Variants in PCDHA10 observed in about 807,000 individuals in gnomAD.
PCDHA10 encodes the protein protocadherin alpha-10.
Under a neutral mutation model 61.2 loss-of-function variants are expected in PCDHA10, and 45 were observed. The ratio of observed to expected loss-of-function variants is 0.74; its 90% confidence interval spans 0.58 to 0.94. PCDHA10 has a LOEUF of 0.94. PCDHA10 is among the 40% of genes least tolerant of loss of function. The probability of loss-of-function intolerance (pLI) is 0.00; values close to 1 mark genes in which losing one functional copy is unlikely to be tolerated. For missense variants in PCDHA10, 1,278 were observed against 1,236.2 expected (o/e 1.03, Z -0.51); for synonymous variants, 602 against 548.8 (o/e 1.10, Z -1.35).
chr5:140,883,068 C>T lies in PCDHA10; in HGVS notation c.2388+24632C>T, dbSNP rs782726947. The stretch of plus-strand genomic sequence containing the variant: ...ACATTAGTGATCAAGCTAAATGCCA[C>T]AGATCCTGATGATGGTACAAATGGA... On this transcript the variant is annotated intron_variant, in intron 1 of 3. Coordinates refer to ENST00000307360, the MANE Select transcript of PCDHA10 (RefSeq NM_018901.4). The T allele has an allele frequency of 1.4e-5, 23 of 1,614,130 alleles. No homozygotes were observed. The highest frequency in any genetic ancestry group is 1.9e-5 in the Non-Finnish European group (23 of 1,180,028).
intron 3 of PCDHA10, among the ~76,000 whole-genome samples, chr5:140,987,224 A>C (rs28567024): frequency 6.6e-6 from 1 of 151,930 alleles, no homozygotes; most frequent in South Asian, 2.1e-4. Context: ...AAAAAAAAAA[A>C]AAATAATAAA....
chr5:140,860,055 A>C (rs1466399941), intron 1 of PCDHA10: 6 of 151,228 alleles, frequency 4.0e-5, no homozygotes, highest in Admixed American at 3.3e-4. Flanking sequence ...TTGAGAGGCC[A>C]AGGTGGGAGG....
At chr5:140,937,500 C>T (rs2091549219) in intron 1 of PCDHA10, among the ~76,000 whole-genome samples, 1 of 152,024 alleles carries the variant, frequency 6.6e-6, no homozygotes, top group Admixed American at 6.6e-5. Context: ...ACCCGTAATC[C>T]CAGCTACTCA....
intron 3 of PCDHA10, among the ~76,000 whole-genome samples, chr5:140,991,572 G>A (rs782016422): frequency 1.3e-4 from 20 of 152,144 alleles, no homozygotes; most frequent in Non-Finnish European, 2.9e-4. Flanking sequence ...TCCAATAACA[G>A]GCTCCTTATT....
chr5:140,858,539 T>A (rs62384480), intron 1 of PCDHA10, 103 bp downstream of exon 1: 78,694 of 1,399,008 alleles, frequency 0.056, 7,001 homozygotes, highest in Non-Finnish European at 0.065. Context: ...TTTGTCTACA[T>A]TCCATTTATG....
In PCDHA10 at chr5:140,882,301, G is replaced by A. The variant is rs145574763; in HGVS notation, c.2388+23865G>A. 188 of 1,613,800 alleles carry A rather than the reference G, an allele frequency of 1.2e-4. No homozygotes were observed. In the African/African-American group the frequency reaches 2.1e-3, roughly 18 times the overall value. Reference sequence around the variant, plus strand: ...CTTCCTGGCAAGGAGGCCCAAGACCGCGGCAACTACTGCTCTGGCTTCTGA... The same window carrying A: ...CTTCCTGGCAAGGAGGCCCAAGACCACGGCAACTACTGCTCTGGCTTCTGA... On this transcript the variant is annotated intron_variant, in intron 1 of 3. Coordinates refer to ENST00000307360, the MANE Select transcript of PCDHA10 (RefSeq NM_018901.4).
chr5:140,910,175 T>C (rs1296033470), intron 1 of PCDHA10, among the ~76,000 whole-genome samples: 1 of 152,240 alleles, frequency 6.6e-6, no homozygotes. Flanking sequence ...CCTCTGTTTT[T>C]ATAATTCAAA....
intron 1 of PCDHA10, chr5:140,927,725 C>T (rs782731204): frequency 1.2e-6 from 2 of 1,614,202 alleles, no homozygotes; most frequent in South Asian, 2.2e-5. Flanking sequence ...AGCACGCAAG[C>T]AGAGCTGCGA....
intron 1 of PCDHA10, chr5:140,926,972 C>G (rs782504064): frequency 1.3e-5 from 21 of 1,609,464 alleles, no homozygotes; most frequent in Non-Finnish European, 1.7e-5. Context: ...TACTCAGTGC[C>G]GGAGGAGACG....
Position 140,857,863 on chromosome 5 carries a change from G to A in PCDHA10, c.1815G>A (p.Trp605Ter). Residue 605 changes from tryptophan (W) to a stop codon, truncating the protein, a stop_gained, in exon 1 of 4, where the codon TGG (tryptophan) becomes TGA (stop). Transcript: ENST00000307360. LOFTEE classifies it high-confidence loss of function. ...ACGCTGACTCTGGATACAACGCGTG[G>A]CTGTCGTATGAATTGCAGTCGGCGG... ...AVDADSGYNA[W>*]LSYELQSAAV... 1.3e-6 allele frequency: 2 copies of A among 1,597,840 alleles called. No homozygotes were observed. Among genetic ancestry groups the A allele is most frequent in the Non-Finnish European group, 8.6e-7 (1 of 1,167,550 alleles).
intron 3 of PCDHA10, among the ~76,000 whole-genome samples, chr5:141,007,519 T>A (rs1554261363): frequency 6.6e-6 from 1 of 151,934 alleles, no homozygotes; most frequent in African/African-American, 2.4e-5. Context: ...AGTGAGCTGA[T>A]ATCTCGCCAC....
chr5:140,871,658 C>A, intron 1 of PCDHA10: 1 of 1,224,214 alleles, frequency 8.2e-7, no homozygotes, highest in Non-Finnish European at 1.1e-6. Flanking sequence ...TGATACACAT[C>A]TTCAGTCTTT....
At chr5:140,924,223 T>A (rs2081726593) in intron 1 of PCDHA10, among the ~76,000 whole-genome samples, 1 of 152,230 alleles carries the variant, frequency 6.6e-6, no homozygotes, top group South Asian at 2.1e-4. Context: ...ATAAGTTCAA[T>A]TTTTATGGGC....
rs2045092638 is a variant in PCDHA10, at chr5:140,858,000, A to G, written c.1952A>G (p.Lys651Arg). ...SPRQRLLVLV[K>R]DHGEPSLTAT... The stretch of plus-strand genomic sequence containing the variant: ...CGCCAGCGCCTACTGGTGCTGGTGA[A>G]GGACCATGGCGAGCCGTCGCTGACG... The change falls in exon 1 of 4, where the codon AAG (lysine) becomes AGG (arginine). Residue 651 changes from lysine (K) to arginine (R), a missense_variant. By Grantham distance (26) the Lys-to-Arg change is conservative. Coordinates refer to ENST00000307360, the MANE Select transcript of PCDHA10 (RefSeq NM_018901.4). 1.0e-5 allele frequency: 16 copies of G among 1,596,802 alleles called. 2 individuals carry two copies. Among genetic ancestry groups the G allele is most frequent in the Non-Finnish European group, 1.4e-5 (16 of 1,167,152 alleles).
intron 1 of PCDHA10, chr5:140,875,985 G>A (rs1351463699): frequency 4.3e-6 from 7 of 1,613,830 alleles, no homozygotes; most frequent in South Asian, 1.1e-5. Flanking sequence ...TGACCTATGC[G>A]TTAAGTCTAA....
At chr5:140,912,130 T>A (rs1554195167) in intron 1 of PCDHA10, among the ~76,000 whole-genome samples, 1 of 152,156 alleles carries the variant, frequency 6.6e-6, no homozygotes, top group Non-Finnish European at 1.5e-5. Flanking sequence ...GTCAGTCTAA[T>A]CTCTCCATGT....
intron 1 of PCDHA10, among the ~76,000 whole-genome samples, chr5:140,913,431 C>G (rs1554195920): frequency 6.6e-6 from 1 of 152,036 alleles, no homozygotes; most frequent in African/African-American, 2.4e-5. Flanking sequence ...AGTTGTAATG[C>G]CTCCTTTTTC....
At chr5:140,992,017 C>CTGTGTGTGTGTGTG (rs10602499) in intron 3 of PCDHA10, among the ~76,000 whole-genome samples, 1 of 145,628 alleles carries the variant, frequency 6.9e-6, no homozygotes, top group African/African-American at 2.5e-5. Flanking sequence ...AGAGGTGGCT[C>CTGTGTGTGTGTGTG]TGTGTGTGTG....
chr5:140,972,355 G>A (rs1190163389), intron 1 of PCDHA10, among the ~76,000 whole-genome samples: 3 of 150,946 alleles, frequency 2.0e-5, no homozygotes, highest in Admixed American at 2.0e-4. Context: ...TCACTATGTT[G>A]CACATGCTGT....
Sources: gnomAD v4.1 joint callset for allele counts (sites outside exome capture counted in the v4.1 genomes callset) on GRCh38, gnomAD v4.1.1 for gene constraint, MANE v1.5 for transcripts, NCBI Gene and HGNC (gene_info 2026-07-23, HGNC 2026-07-21) for gene names.